IREB2: variants seen among roughly 807,000 people sequenced by gnomAD.
IREB2 encodes the protein iron responsive element binding protein 2, also known as iron-responsive element-binding protein 2.
In IREB2, 39 loss-of-function variants were observed where a neutral mutation model predicts 118.8. The observed-to-expected ratio is 0.33, with a 90% CI of 0.25 to 0.43. The LOEUF (loss-of-function observed/expected upper bound fraction) is 0.43, where lower values mean the gene tolerates loss of function less well. Ranked by LOEUF, IREB2 falls within the 20% of genes least tolerant of loss-of-function variation. IREB2 has a pLI of 1.00. For synonymous variants in IREB2, 372 were observed against 392.2 expected (o/e 0.95, Z 0.61); for missense variants, 900 against 1,147.3 (o/e 0.78, Z 3.11).
chr15:78,493,747 A>G (rs535054642), intron 18 of IREB2, among the ~76,000 whole-genome samples, 162 bp from the exon 19 acceptor site: 1 of 152,300 alleles, frequency 6.6e-6, no homozygotes, highest in Admixed American at 6.5e-5. Flanking sequence ...AGCATCTGTT[A>G]AGTTATAGCT....
intron 2 of IREB2, among the ~76,000 whole-genome samples, chr15:78,458,121 A>G (rs139335909): frequency 1.9e-4 from 29 of 152,254 alleles, no homozygotes; most frequent in African/African-American, 6.0e-4. Flanking sequence ...TCACTTTCCA[A>G]AGGCCATACC....
chr15:78,463,367 G>A (rs538526545), intron 3 of IREB2, among the ~76,000 whole-genome samples: 1 of 152,236 alleles, frequency 6.6e-6, no homozygotes, highest in Non-Finnish European at 1.5e-5. Flanking sequence ...CTTAAGCCCA[G>A]GAGGTTGAGG....
chr15:78,444,920 A>G (rs2141448024), intron 2 of IREB2, among the ~76,000 whole-genome samples: 1 of 152,286 alleles, frequency 6.6e-6, no homozygotes, highest in Non-Finnish European at 1.5e-5. Context: ...TATTGCCTGT[A>G]TGAATGCATT....
Position 78,498,648 on chromosome 15 carries a change from C to T in IREB2, c.*505C>T, listed in dbSNP as rs948487832. The T allele has an allele frequency of 3.3e-5, 5 of 152,944 alleles. No individual in the cohort carries two copies. Among genetic ancestry groups the T allele is most frequent in the African/African-American group, 1.2e-4 (5 of 41,432 alleles). The allele number at this position is 152,944 out of a possible 1,614,324, so 9.5% of individuals were successfully genotyped here. On this transcript the variant is annotated 3_prime_UTR_variant, in exon 22 of 22. Transcript: ENST00000258886. ...TTCCTCTTCAGAATTGAGCTGGACA[C>T]ATTTGGCATTCTTAGTTTGTCATAT...
chr15:78,457,997 G>A (rs1045250815), intron 2 of IREB2, among the ~76,000 whole-genome samples: 3 of 151,932 alleles, frequency 2.0e-5, no homozygotes, highest in Non-Finnish European at 2.9e-5. Context: ...ACTATTTATT[G>A]TAATTTGAGA....
At chr15:78,475,453 A>G (rs1475182735) in intron 8 of IREB2, 1 of 152,236 alleles carries the variant, frequency 6.6e-6, no homozygotes, top group Non-Finnish European at 1.5e-5. Flanking sequence ...AAATGTTTAT[A>G]GCCAATATAT....
chr15:78,460,220 T>G (rs1258605365), intron 2 of IREB2, among the ~76,000 whole-genome samples: 4 of 152,228 alleles, frequency 2.6e-5, no homozygotes, highest in Non-Finnish European at 5.9e-5. Context: ...TGTTGCACAT[T>G]GGTGATCTTT....
chr15:78,485,653 A>C, intron 12 of IREB2, 52 bp from the exon 13 acceptor site: 1 of 1,577,024 alleles, frequency 6.3e-7, no homozygotes, highest in African/African-American at 1.4e-5. Flanking sequence ...AATATGGGTG[A>C]GAGAGGGAAA....
intron 20 of IREB2, among the ~76,000 whole-genome samples, chr15:78,496,833 T>C (rs1280773102): frequency 1.3e-5 from 2 of 152,166 alleles, no homozygotes; most frequent in Non-Finnish European, 2.9e-5. Context: ...AGCCCTACTT[T>C]GGGGTCAAGG....
intron 12 of IREB2, among the ~76,000 whole-genome samples, chr15:78,485,196 G>A (rs2051639268): frequency 6.6e-6 from 1 of 152,150 alleles, no homozygotes; most frequent in Non-Finnish European, 1.5e-5. Flanking sequence ...TAATTAGCAG[G>A]TATTTCTTGA....
In IREB2 at chr15:78,465,240, T is replaced by A. The variant is rs2051261300; in HGVS notation, c.273-11T>A. On this transcript the variant is annotated splice_polypyrimidine_tract_variant and intron_variant, in intron 3 of 21. Coordinates refer to ENST00000258886, the MANE Select transcript of IREB2 (RefSeq NM_004136.4). ...ATTTGGACTATAATTTGACCATTCT[T>A]TATTTTTTAGTGGAATACCAGCAAT... The A allele has an allele frequency of 1.3e-6, 2 of 1,597,814 alleles. No homozygotes were observed. The highest frequency in any genetic ancestry group is 1.8e-5 in the Admixed American group (1 of 55,922).
Position 78,497,307 on chromosome 15 carries a change from T to C in IREB2, c.2777T>C (p.Ile926Thr). 1 of 1,605,998 alleles carries C rather than the reference T, an allele frequency of 6.2e-7. No homozygotes were observed. Among genetic ancestry groups the C allele is most frequent in the Non-Finnish European group, 8.5e-7 (1 of 1,173,566 alleles). Residue 926 changes from isoleucine to threonine, a missense_variant, in exon 21 of 22, where the codon ATA (isoleucine) becomes ACA (threonine). By Grantham distance (89) the Ile-to-Thr change is moderately conservative. Transcript: ENST00000258886. ...CTGTCTCCTGGAATTACATTGAATA[T>C]ACAGGTATCTCTAAATTTTTCAAAT... ...EELSPGITLNIQTSTGKVFSV... is the reference protein window; with the variant it reads ...EELSPGITLNTQTSTGKVFSV...
intron 8 of IREB2, chr15:78,475,130 G>T (rs1489664921): frequency 6.9e-6 from 1 of 145,206 alleles, no homozygotes; most frequent in African/African-American, 2.5e-5. Context: ...TTGAGTTTCT[G>T]TATCTATAAA....
At chr15:78,449,158 C>T (rs2050980855) in intron 2 of IREB2, among the ~76,000 whole-genome samples, 1 of 152,130 alleles carries the variant, frequency 6.6e-6, no homozygotes, top group Admixed American at 6.5e-5. Context: ...TCAAGACCAA[C>T]GCCTTTTCTT....
chr15:78,451,996 T>C (rs1039405435), intron 2 of IREB2, among the ~76,000 whole-genome samples: 9 of 152,194 alleles, frequency 5.9e-5, no homozygotes, highest in Admixed American at 4.6e-4. Flanking sequence ...ATACTCAACC[T>C]GTAGTACAAT....
intron 2 of IREB2, among the ~76,000 whole-genome samples, chr15:78,440,994 A>C (rs982878156): frequency 2.0e-5 from 3 of 152,232 alleles, no homozygotes; most frequent in Non-Finnish European, 1.5e-5. Flanking sequence ...CTTTTCCATG[A>C]CAATGACATG....
In IREB2 at chr15:78,494,765, A is replaced by G. The variant is rs75322371; in HGVS notation, c.2595+501A>G. The stretch of plus-strand genomic sequence containing the variant: ...TTTTTGTATTGTTTGTAGAGATCGG[A>G]TCTCTCTATTTTGCTCAGGCTGATC... On this transcript the variant is annotated intron_variant, in intron 20 of 21. Transcript: ENST00000258886. Among the ~76,000 whole-genome samples, 46 of 151,996 alleles carry G rather than the reference A, an allele frequency of 3.0e-4. No individual in the cohort carries two copies. The East Asian group carries it at 5.8e-3, about 19-fold the overall frequency.
intron 9 of IREB2, among the ~76,000 whole-genome samples, chr15:78,476,905 T>C (rs1173480359): frequency 1.3e-5 from 2 of 152,230 alleles, no homozygotes; most frequent in African/African-American, 2.4e-5. Context: ...AAACAAGATA[T>C]GTTGATATTT....
At chr15:78,456,024 C>T (rs1056899634) in intron 2 of IREB2, among the ~76,000 whole-genome samples, 3 of 152,028 alleles carry the variant, frequency 2.0e-5, no homozygotes, top group Admixed American at 6.6e-5. Context: ...GGCTTTTCAC[C>T]GAGTAATCTA....
Sources: gnomAD v4.1 joint callset for allele counts (sites outside exome capture counted in the v4.1 genomes callset) on GRCh38, gnomAD v4.1.1 for gene constraint, MANE v1.5 for transcripts, NCBI Gene and HGNC (gene_info 2026-07-23, HGNC 2026-07-21) for gene names.